Variants in GLUL observed in about 807,000 individuals in gnomAD.
The protein encoded by GLUL is glutamate-ammonia ligase.
A neutral mutation model predicts 36.9 loss-of-function variants in GLUL; 8 were observed. The observed-to-expected ratio is 0.22, with a 90% CI of 0.13 to 0.39. The LOEUF is 0.39. Ranked by LOEUF, GLUL falls within the 10% of genes least tolerant of loss-of-function variation. The pLI is 1.00. For synonymous variants in GLUL, 182 were observed against 172.8 expected (o/e 1.05, Z -0.42); for missense variants, 315 against 501.8 (o/e 0.63, Z 3.56).
At chr1:182,386,018 G>A (rs921819007) in intron 4 of GLUL, 131 bp from the exon 5 acceptor site, 4 of 1,010,302 alleles carry the variant, frequency 4.0e-6, no homozygotes, top group Admixed American at 3.5e-5. Context: ...TGCGGGGCAG[G>A]GGAGGGGCAA....
In GLUL at chr1:182,388,692, C is replaced by T. The variant is rs1650280661; in HGVS notation, c.46G>A (p.Val16Met). The change falls in exon 2 of 7, where the codon GTG becomes ATG. Residue 16 changes from valine (V) to methionine (M), a missense_variant. Coordinates refer to ENST00000331872, the MANE Select transcript of GLUL (RefSeq NM_001033044.4). ...TCACCCTGAGGCAGGGACATGTACACCTGCTTGATGCCTTTATTTAAGTGG... is the reference window on the plus strand; with the variant it reads ...TCACCCTGAGGCAGGGACATGTACATCTGCTTGATGCCTTTATTTAAGTGG... ...SSHLNKGIKQ[V>M]YMSLPQGEKV... The T allele has an allele frequency of 6.2e-7, 1 of 1,613,864 alleles. No homozygotes were observed. The highest frequency in any genetic ancestry group is 1.3e-5 in the African/African-American group (1 of 74,916).
At position 182,384,358 on chromosome 1, in the gene GLUL, TG is replaced by T. The variant is rs1558156620; in HGVS notation, c.*46del. The stretch of plus-strand genomic sequence containing the variant: ...ACTGGGAGAGGGGGAAGAGTTGGAG[TG>T]GGATGAAGAACTAGGAGGGGCTCAA... On this transcript the variant is annotated 3_prime_UTR_variant, in exon 7 of 7. Coordinates refer to ENST00000331872, the MANE Select transcript of GLUL (RefSeq NM_001033044.4). The T allele has an allele frequency of 2.4e-6, 3 of 1,248,836 alleles. No individual in the cohort carries two copies. Among genetic ancestry groups the T allele is most frequent in the African/African-American group, 3.0e-5 (2 of 67,670 alleles). The allele number at this position is 1,248,836 out of a possible 1,614,324, so 77.4% of individuals were successfully genotyped here. A position where few individuals can be genotyped will look rare whatever the true frequency, so the allele number is the denominator to read the frequency against.
rs1650025194 is a variant in GLUL, at chr1:182,383,461, G to A, written c.*944C>T. On this transcript the variant is annotated 3_prime_UTR_variant, in exon 7 of 7. Transcript: ENST00000331872. The stretch of plus-strand genomic sequence containing the variant: ...GTGTCTTTTAAACCAAAGCCACGGA[G>A]ATCAAGTGACTGCTAGTAACGTGTT... The A allele has an allele frequency of 6.6e-6, 1 of 152,148 alleles. No homozygotes were observed. Among genetic ancestry groups the A allele is most frequent in the South Asian group, 2.1e-4 (1 of 4,834 alleles). 9.4% of individuals were successfully genotyped at this position (152,148 alleles called of 1,614,324 possible). A position where few individuals can be genotyped will look rare whatever the true frequency, so the allele number is the denominator to read the frequency against.
chr1:182,391,254 C>T, intron 1 of GLUL: 1 of 398,898 alleles, frequency 2.5e-6, no homozygotes, highest in Non-Finnish European at 4.4e-6. Context: ...ACGAGGAAGG[C>T]AGCCAGGCGC....
In GLUL at chr1:182,382,281, T is replaced by G. The variant is rs1430750662; in HGVS notation, c.*2124A>C. 3.9e-5 allele frequency: 6 copies of G among 152,164 alleles called. No homozygotes were observed. Among genetic ancestry groups the G allele is most frequent in the African/African-American group, 1.4e-4 (6 of 41,392 alleles). 9.4% of individuals were successfully genotyped at this position (152,164 alleles called of 1,614,324 possible). ...ATGAGGAATGAACGAAGGTAGGAAT[T>G]GGCCAAGATAAGGTGGAAGAACTCC... is the stretch of plus-strand genomic sequence containing the variant. On this transcript the variant is annotated 3_prime_UTR_variant, in exon 7 of 7. Transcript: ENST00000331872.
rs1649923492 is a variant in GLUL at position 182,381,433 on chromosome 1, A to T, written c.*2972T>A. Among the ~76,000 whole-genome samples, 1 of 152,190 alleles carries T rather than the reference A, an allele frequency of 6.6e-6. No homozygotes were observed. On this transcript the variant is annotated 3_prime_UTR_variant, in exon 7 of 7. Transcript: ENST00000331872. ...TTTGTAAATACTGGCCTGACTCCTTAAGGTTGAAAGCTTGGTCATTATTCT... is the reference window on the plus strand; with the variant it reads ...TTTGTAAATACTGGCCTGACTCCTTTAGGTTGAAAGCTTGGTCATTATTCT...
Position 182,384,330 on chromosome 1 carries a change from A to T in GLUL, c.*75T>A. 1 of 1,006,742 alleles carries T rather than the reference A, an allele frequency of 9.9e-7. No homozygotes were observed. Among genetic ancestry groups the T allele is most frequent in the South Asian group, 1.3e-5 (1 of 74,876 alleles). 62.4% of individuals were successfully genotyped at this position (1,006,742 alleles called of 1,614,324 possible). On this transcript the variant is annotated 3_prime_UTR_variant, in exon 7 of 7. Coordinates refer to ENST00000331872, the MANE Select transcript of GLUL (RefSeq NM_001033044.4). The stretch of plus-strand genomic sequence containing the variant: ...TTCCACCCTTTGAGTTACAATCGGG[A>T]CAACTGGGAGAGGGGGAAGAGTTGG...
Position 182,378,805 on chromosome 1 carries a change from TCA to T in GLUL, c.*5598_*5599del, listed in dbSNP as rs1649822705. The stretch of plus-strand genomic sequence containing the variant: ...GAATTTTTTTTTTCTTGAGATGGAG[TCA>T]CACTCTGTTGCCTAGGCTGGAGTGC... On this transcript the variant is annotated 3_prime_UTR_variant, in exon 7 of 7. Coordinates refer to ENST00000331872, the MANE Select transcript of GLUL (RefSeq NM_001033044.4). 6.6e-6 allele frequency among the ~76,000 whole-genome samples: 1 copy of T among 151,988 alleles called. No homozygotes were observed.
Position 182,379,789 on chromosome 1 carries a change from G to A in GLUL, c.*4616C>T, listed in dbSNP as rs568759888. 1.2e-4 allele frequency among the ~76,000 whole-genome samples: 18 copies of A among 151,354 alleles called. No homozygotes were observed. In the South Asian group the frequency reaches 1.7e-3, roughly 14 times the overall value. On this transcript the variant is annotated 3_prime_UTR_variant, in exon 7 of 7. Transcript: ENST00000331872. The stretch of plus-strand genomic sequence containing the variant: ...GAGCTCAAGTGATCTACCTGCCTCG[G>A]CTTTTCAAAGTGCTGGGATTACAGG...
At chr1:182,388,281 C>T (rs1035466201) in intron 2 of GLUL, among the ~76,000 whole-genome samples, 1 of 152,160 alleles carries the variant, frequency 6.6e-6, no homozygotes, top group African/African-American at 2.4e-5. Context: ...TGGGGATGTC[C>T]AGGTCGGCAA....
At chr1:182,387,492 T>G (rs770177901) in intron 2 of GLUL, among the ~76,000 whole-genome samples, 200 bp from the exon 3 acceptor site, 12 of 152,186 alleles carry the variant, frequency 7.9e-5, no homozygotes, top group Admixed American at 2.0e-4. Context: ...GAGTTCCAAG[T>G]AAGACCATTG....
rs1485363706 is a variant in GLUL, at chr1:182,381,650, C to T, written c.*2755G>A. The T allele has an allele frequency of 1.3e-5, 2 of 152,176 alleles. No individual in the cohort carries two copies. Among genetic ancestry groups the T allele is most frequent in the African/African-American group, 4.8e-5 (2 of 41,436 alleles). The allele number at this position is 152,176 out of a possible 1,614,324, so 9.4% of individuals were successfully genotyped here. ...TGATCCTATGAATTTAAAATTCCTT[C>T]TCATGCAATCATTTTGTCATGGAAT... On this transcript the variant is annotated 3_prime_UTR_variant, in exon 7 of 7. Transcript: ENST00000331872.
intron 1 of GLUL, 54 bp from the exon 2 acceptor site, chr1:182,388,804 T>C: frequency 7.2e-7 from 1 of 1,391,796 alleles, no homozygotes; most frequent in Non-Finnish European, 1.0e-6. Flanking sequence ...ACTGATCCCC[T>C]GCAAAAATGG....
intron 1 of GLUL, 150 bp from the exon 2 acceptor site, chr1:182,388,900 A>C: frequency 1.4e-6 from 1 of 695,968 alleles, no homozygotes; most frequent in Non-Finnish European, 2.6e-6. Flanking sequence ...AGTTATGTTT[A>C]CTCACTCTTT....
Position 182,382,886 on chromosome 1 carries a change from C to T in GLUL, c.*1519G>A, listed in dbSNP as rs1197167394. ...GGATTTGAAAGAATCACAAACACAT[C>T]AGAGAGATCTTATGTTAGGCTGATT... On this transcript the variant is annotated 3_prime_UTR_variant, in exon 7 of 7. Transcript: ENST00000331872. The T allele has an allele frequency of 6.6e-6, 1 of 152,166 alleles. No homozygotes were observed. The highest frequency in any genetic ancestry group is 1.5e-5 in the Non-Finnish European group (1 of 68,026). The allele number at this position is 152,166 out of a possible 1,614,324, so 9.4% of individuals were successfully genotyped here.
intron 1 of GLUL, chr1:182,391,401 T>C (rs561109038): frequency 1.3e-5 from 5 of 395,826 alleles, no homozygotes; most frequent in Admixed American, 4.4e-5. Flanking sequence ...CGGCCGCAAG[T>C]AGTGAAAAGA....
chr1:182,386,857 C>T (rs933962374), intron 3 of GLUL: 1 of 535,772 alleles, frequency 1.9e-6, no homozygotes, highest in Admixed American at 3.1e-5. Context: ...GCCTACATTC[C>T]AGGCAGGAAG....
Position 182,380,344 on chromosome 1 carries a change from G to GTC in GLUL, c.*4059_*4060dup, listed in dbSNP as rs1248537972. On this transcript the variant is annotated 3_prime_UTR_variant, in exon 7 of 7. Transcript: ENST00000331872. The stretch of plus-strand genomic sequence containing the variant: ...TTTTGTTTAGGCAAGGTCTTGATCT[G>GTC]TCACCCAGGCTGGAGTGCAGTGGTG... Among the ~76,000 whole-genome samples, 1 of 152,162 alleles carries GTC rather than the reference G, an allele frequency of 6.6e-6. No individual in the cohort carries two copies. Among genetic ancestry groups the GTC allele is most frequent in the East Asian group, 1.9e-4 (1 of 5,202 alleles).
At chr1:182,390,437 T>C (rs976766718) in intron 1 of GLUL, 1 of 398,600 alleles carries the variant, frequency 2.5e-6, no homozygotes, top group Non-Finnish European at 4.4e-6. Context: ...TTCTGAAGTT[T>C]TCAGCAGTTT....
Sources: allele counts gnomAD v4.1 joint callset (sites outside exome capture counted in the v4.1 genomes callset), GRCh38; gene constraint gnomAD v4.1.1; transcripts MANE v1.5; gene names NCBI Gene and HGNC (gene_info 2026-07-23, HGNC 2026-07-21).